The following ATP5ME variants were observed in gnomAD, a reference collection of about 807,000 sequenced individuals.
The protein encoded by ATP5ME is ATP synthase F(0) complex subunit e, mitochondrial.
ATP5ME carries 10 observed loss-of-function variants against 11.6 expected under a neutral mutation model. That is an observed-to-expected ratio of 0.86 (90% confidence interval 0.53 to 1.46). ATP5ME has a LOEUF of 1.46. Ranked by LOEUF, ATP5ME falls within the 40% of genes most tolerant of loss-of-function variation. ATP5ME has a pLI of 0.00. For missense variants in ATP5ME, 115 were observed against 85.4 expected (o/e 1.35, Z -1.37); for synonymous variants, 45 against 33.5 (o/e 1.34, Z -1.19).
chr4:672,608 T>A lies in ATP5ME; in HGVS notation c.191-89A>T, dbSNP rs563345445. 6 of 1,471,608 alleles carry A rather than the reference T, an allele frequency of 4.1e-6. No homozygotes were observed. The African/African-American group carries it at 7.2e-5, about 18-fold the overall frequency. The allele number at this position is 1,471,608 out of a possible 1,614,324, so 91.2% of individuals were successfully genotyped here. A position where few individuals can be genotyped will look rare whatever the true frequency, so the allele number is the denominator to read the frequency against. ...CAGCTTCCCAGTTATTTTTTTTTTT[T>A]TTTTTTTTGTTTTGAGACGGAGTCT... On this transcript the variant is annotated intron_variant, in intron 3 of 3. Coordinates refer to ENST00000304312, the MANE Select transcript of ATP5ME (RefSeq NM_007100.4).
At chr4:673,029 T>C (rs566348582) in intron 3 of ATP5ME, among the ~76,000 whole-genome samples, 3 of 145,758 alleles carry the variant, frequency 2.1e-5, no homozygotes, top group African/African-American at 7.5e-5. Flanking sequence ...ATTACAGGCA[T>C]GAGCCACCGC....
At chr4:673,866 G>A (rs763438220) in intron 2 of ATP5ME, 46 bp downstream of exon 2, 3 of 1,542,888 alleles carry the variant, frequency 1.9e-6, no homozygotes, top group African/African-American at 1.4e-5. Flanking sequence ...GAGCTCCACA[G>A]GAAAGCCGAG....
At chr4:673,085 T>C (rs987844935) in intron 3 of ATP5ME, among the ~76,000 whole-genome samples, 3 of 152,238 alleles carry the variant, frequency 2.0e-5, no homozygotes, top group African/African-American at 4.8e-5. Flanking sequence ...GGTTGCACCA[T>C]GTTGGTCAGG....
chr4:673,757 A>AT, intron 2 of ATP5ME, 155 bp downstream of exon 2: 1 of 1,139,332 alleles, frequency 8.8e-7, no homozygotes, highest in Non-Finnish European at 1.3e-6. Context: ...GGGTGAGCTG[A>AT]TTCCACTATC....
chr4:672,931 A>C lies in ATP5ME; in HGVS notation c.190+372T>G, dbSNP rs563173957. Among the ~76,000 whole-genome samples, 5 of 152,208 alleles carry C rather than the reference A, an allele frequency of 3.3e-5. 1 individual carries two copies. The East Asian group carries it at 9.6e-4, about 29-fold the overall frequency. The stretch of plus-strand genomic sequence containing the variant: ...CCCGGCTGATTTTTTGTATTTTAGT[A>C]GAAATGGGGTTTCACCATCTTGCCC... On this transcript the variant is annotated intron_variant, in intron 3 of 3. Transcript: ENST00000304312.
Position 673,287 on chromosome 4 carries a change from C to T in ATP5ME, c.190+16G>A. 1 of 1,614,130 alleles carries T rather than the reference C, an allele frequency of 6.2e-7. No homozygotes were observed. Among genetic ancestry groups the T allele is most frequent in the Non-Finnish European group, 8.5e-7 (1 of 1,179,962 alleles). On this transcript the variant is annotated intron_variant, in intron 3 of 3. Coordinates refer to ENST00000304312, the MANE Select transcript of ATP5ME (RefSeq NM_007100.4). ...ACCTGGGAGGGACAATCTATAAGAG[C>T]CAGTGTCACTCGTACCTTCTGCCAA... is the stretch of plus-strand genomic sequence containing the variant.
Position 673,403 on chromosome 4 carries a change from T to C in ATP5ME, c.92-2A>G. The C allele has an allele frequency of 6.2e-7, 1 of 1,614,132 alleles. No individual in the cohort carries two copies. Among genetic ancestry groups the C allele is most frequent in the South Asian group, 1.1e-5 (1 of 91,086 alleles). ...CTTCTGCCCGAGGTTTTAGGTAATCTGTTTGGCGGAATGCAGGAGAATAAA... is the reference window on the plus strand; with the variant it reads ...CTTCTGCCCGAGGTTTTAGGTAATCCGTTTGGCGGAATGCAGGAGAATAAA... On this transcript the variant is annotated splice_acceptor_variant, in intron 2 of 3. Coordinates refer to ENST00000304312, the MANE Select transcript of ATP5ME (RefSeq NM_007100.4). LOFTEE classifies it high-confidence loss of function.
In ATP5ME at chr4:673,393, T is replaced by G; in HGVS notation, c.100A>C (p.Lys34Gln). The G allele has an allele frequency of 6.2e-7, 1 of 1,614,150 alleles. No homozygotes were observed. ...CTCCTCTCCTCTTCTGCCCGAGGTT[T>G]TAGGTAATCTGTTTGGCGGAATGCA... ...AYGATRYNYL[K>Q]PRAEEERRIA... The change falls in exon 3 of 4, where the codon AAA (lysine) becomes CAA (glutamine). Residue 34 changes from lysine (K) to glutamine (Q), a missense_variant. Lys to Gln is a moderately conservative substitution (Grantham distance 53, BLOSUM62 1). Coordinates refer to ENST00000304312, the MANE Select transcript of ATP5ME (RefSeq NM_007100.4).
In ATP5ME at chr4:673,352, C is replaced by A; in HGVS notation, c.141G>T (p.Glu47Asp). ...AEEERRIAAEEKKKQDELKRI... is the reference protein window; with the variant it reads ...AEEERRIAAEDKKKQDELKRI... ...GTTTCAGTTCATCCTGCTTCTTCTT[C>A]TCTTCTGCTGCTATCCTCCTCTCCT... Residue 47 changes from glutamate to aspartate, a missense_variant, in exon 3 of 4, where the codon GAG (glutamate) becomes GAT (aspartate). Glu to Asp is a conservative substitution (Grantham distance 45). Transcript: ENST00000304312. 1 of 1,614,212 alleles carries A rather than the reference C, an allele frequency of 6.2e-7. No individual in the cohort carries two copies. The highest frequency in any genetic ancestry group is 8.5e-7 in the Non-Finnish European group (1 of 1,180,006).
Position 673,982 on chromosome 4 carries a change from G to T in ATP5ME, c.37-16C>A. 6.5e-7 allele frequency: 1 copy of T among 1,543,738 alleles called. No individual in the cohort carries two copies. The highest frequency in any genetic ancestry group is 8.7e-7 in the Non-Finnish European group (1 of 1,146,636). On this transcript the variant is annotated splice_polypyrimidine_tract_variant and intron_variant, in intron 1 of 3. Transcript: ENST00000304312. ...AGCGGCCGAGCTGCGAAAGAGGTTG[G>T]TCAGAGGCGGCGCGAAACGGGGCTC...
chr4:673,409 G>A lies in ATP5ME; in HGVS notation c.92-8C>T, dbSNP rs1416552116. 6.2e-7 allele frequency: 1 copy of A among 1,613,944 alleles called. No individual in the cohort carries two copies. The highest frequency in any genetic ancestry group is 1.7e-5 in the Admixed American group (1 of 60,000). The stretch of plus-strand genomic sequence containing the variant: ...CCCGAGGTTTTAGGTAATCTGTTTG[G>A]CGGAATGCAGGAGAATAAAATTCAC... On this transcript the variant is annotated splice_region_variant and splice_polypyrimidine_tract_variant and intron_variant, in intron 2 of 3. Transcript: ENST00000304312.
chr4:674,086 G>A, intron 1 of ATP5ME, 120 bp from the exon 2 acceptor site: 1 of 1,465,932 alleles, frequency 6.8e-7, no homozygotes, highest in Non-Finnish European at 9.2e-7. Flanking sequence ...CCGGTCGCCG[G>A]GCGAGGGTCA....
At position 672,513 on chromosome 4, in the gene ATP5ME, C is replaced by T; in HGVS notation, c.197G>A (p.Ser66Asn). 6.8e-6 allele frequency: 11 copies of T among 1,613,950 alleles called. No individual in the cohort carries two copies. Among genetic ancestry groups the T allele is most frequent in the Non-Finnish European group, 9.3e-6 (11 of 1,179,994 alleles). The change falls in exon 4 of 4, where the codon AGC becomes AAC. Residue 66 changes from serine (S) to asparagine (N), a missense_variant. Coordinates refer to ENST00000304312, the MANE Select transcript of ATP5ME (RefSeq NM_007100.4). ...RIARELAEDDSILK is the reference protein window; with the variant it reads ...RIARELAEDDNILK ...TCGCAGGGTCACTCACTTTAATATG[C>T]TGTCATCTTGGGCCGGAAGGTTAGA... is the stretch of plus-strand genomic sequence containing the variant.
At chr4:672,932 G>T (rs1271697017) in intron 3 of ATP5ME, among the ~76,000 whole-genome samples, 4 of 152,196 alleles carry the variant, frequency 2.6e-5, no homozygotes, top group Non-Finnish European at 4.4e-5. Flanking sequence ...TATTTTAGTA[G>T]AAATGGGGTT....
rs1481122328 is a variant in ATP5ME, at chr4:672,521, T to C, written c.191-2A>G. The C allele has an allele frequency of 6.2e-7, 1 of 1,614,008 alleles. No homozygotes were observed. The highest frequency in any genetic ancestry group is 1.7e-5 in the Admixed American group (1 of 60,012). On this transcript the variant is annotated splice_acceptor_variant, in intron 3 of 3. Coordinates refer to ENST00000304312, the MANE Select transcript of ATP5ME (RefSeq NM_007100.4). LOFTEE classifies it high-confidence loss of function. ...TCACTCACTTTAATATGCTGTCATC[T>C]TGGGCCGGAAGGTTAGAAGAAAAGC...
chr4:672,931 A>T (rs563173957), intron 3 of ATP5ME, among the ~76,000 whole-genome samples: 3 of 152,326 alleles, frequency 2.0e-5, no homozygotes, highest in African/African-American at 4.8e-5. Flanking sequence ...GTATTTTAGT[A>T]GAAATGGGGT....
intron 3 of ATP5ME, among the ~76,000 whole-genome samples, chr4:673,099 G>T (rs574086903): frequency 7.2e-5 from 11 of 152,368 alleles, no homozygotes; most frequent in East Asian, 3.9e-4. Context: ...GGTCAGGCTG[G>T]TCTTGAACTC....
chr4:672,596 A>ATTTTTTTTT (rs367766081), intron 3 of ATP5ME, 77 bp from the exon 4 acceptor site: 11 of 1,133,120 alleles, frequency 9.7e-6, no homozygotes, highest in East Asian at 2.7e-5. Context: ...CTTCCCAGTT[A>ATTTTTTTTT]TTTTTTTTTT....
Position 673,537 on chromosome 4 carries a change from G to A in ATP5ME, c.92-136C>T, listed in dbSNP as rs372498018. On this transcript the variant is annotated intron_variant, in intron 2 of 3. Coordinates refer to ENST00000304312, the MANE Select transcript of ATP5ME (RefSeq NM_007100.4). Reference sequence around the variant, plus strand: ...GTTCCCGCTCTTTATGTTAATGCGAGTCAACGCCTGACCTTCACCCTGACG... The same window carrying A: ...GTTCCCGCTCTTTATGTTAATGCGAATCAACGCCTGACCTTCACCCTGACG... 206 of 1,451,202 alleles carry A rather than the reference G, an allele frequency of 1.4e-4. 2 individuals carry two copies. In the Middle Eastern group the frequency reaches 2.4e-3, roughly 17 times the overall value. The allele number at this position is 1,451,202 out of a possible 1,614,324, so 89.9% of individuals were successfully genotyped here. A position where few individuals can be genotyped will look rare whatever the true frequency, so the allele number is the denominator to read the frequency against.
Sources: allele counts gnomAD v4.1 joint callset (sites outside exome capture counted in the v4.1 genomes callset), GRCh38; gene constraint gnomAD v4.1.1; transcripts MANE v1.5; gene names NCBI Gene and HGNC (gene_info 2026-07-23, HGNC 2026-07-21).